Variants in FHIT observed in about 807,000 individuals in gnomAD.
FHIT encodes the protein bis(5'-adenosyl)-triphosphatase.
A neutral mutation model predicts 17.9 loss-of-function variants in FHIT; 19 were observed. The observed-to-expected ratio is 1.06, with a 90% CI of 0.74 to 1.56. The LOEUF (loss-of-function observed/expected upper bound fraction) is 1.56. Among genes scored for constraint, FHIT ranks in the 40% most tolerant of loss-of-function variants. The probability of loss-of-function intolerance (pLI) is 0.00; values close to 1 mark genes in which losing one functional copy is unlikely to be tolerated. For missense variants in FHIT, 248 were observed against 189.2 expected (o/e 1.31, Z -1.82); for synonymous variants, 81 against 69.7 (o/e 1.16, Z -0.81).
chr3:61,110,705 C>A (rs1412382238), intron 2 of FHIT, among the ~76,000 whole-genome samples: 1 of 152,108 alleles, frequency 6.6e-6, no homozygotes, highest in Admixed American at 6.6e-5. Flanking sequence ...AGCACCACAC[C>A]ACAGAAGGAA....
chr3:59,849,395 T>G (rs1456885423), intron 8 of FHIT, among the ~76,000 whole-genome samples: 3 of 152,036 alleles, frequency 2.0e-5, no homozygotes, highest in Non-Finnish European at 2.9e-5. Context: ...GATGAGATTC[T>G]CCCATTATTA....
At chr3:60,354,051 C>G (rs1017547363) in intron 5 of FHIT, among the ~76,000 whole-genome samples, 1 of 151,948 alleles carries the variant, frequency 6.6e-6, no homozygotes, top group Admixed American at 6.6e-5. Context: ...GCTGGAGAAT[C>G]CAAATGTCTC....
intron 5 of FHIT, among the ~76,000 whole-genome samples, chr3:60,342,819 T>C (rs1202735112): frequency 1.3e-5 from 2 of 152,264 alleles, no homozygotes; most frequent in South Asian, 2.1e-4. Flanking sequence ...GGAGCAAAAA[T>C]TGGAAATCTG....
intron 5 of FHIT, among the ~76,000 whole-genome samples, chr3:60,231,682 C>T (rs1297172028): frequency 1.3e-5 from 2 of 152,100 alleles, no homozygotes; most frequent in Non-Finnish European, 2.9e-5. Flanking sequence ...TGCCTTGACT[C>T]CTTTAATTCC....
At chr3:61,240,755 T>A (rs893103841) in intron 1 of FHIT, among the ~76,000 whole-genome samples, 2 of 152,214 alleles carry the variant, frequency 1.3e-5, no homozygotes, top group Non-Finnish European at 2.9e-5. Flanking sequence ...CTTCTTTACA[T>A]AATTTTAACC....
intron 3 of FHIT, among the ~76,000 whole-genome samples, chr3:60,984,315 G>T (rs1309884660): frequency 6.6e-6 from 1 of 152,174 alleles, no homozygotes; most frequent in African/African-American, 2.4e-5. Context: ...ATAAGGAATT[G>T]ATCTGCTAAT....
chr3:60,020,545 G>C (rs1700516662), intron 5 of FHIT, among the ~76,000 whole-genome samples: 1 of 152,136 alleles, frequency 6.6e-6, no homozygotes, highest in African/African-American at 2.4e-5. Context: ...ATACAACACA[G>C]AATTAATCAT....
intron 3 of FHIT, among the ~76,000 whole-genome samples, chr3:60,930,813 C>T: frequency 6.6e-6 from 1 of 152,160 alleles, no homozygotes; most frequent in African/African-American, 2.4e-5. Context: ...GTGGTGATTC[C>T]TCAAGGATCT....
chr3:60,235,614 C>T (rs1262526259), intron 5 of FHIT, among the ~76,000 whole-genome samples: 1 of 152,122 alleles, frequency 6.6e-6, no homozygotes. Flanking sequence ...CAGACTTAAC[C>T]TCAATGTGAA....
intron 4 of FHIT, among the ~76,000 whole-genome samples, chr3:60,782,777 T>G (rs1298164159): frequency 1.3e-5 from 2 of 152,190 alleles, no homozygotes; most frequent in East Asian, 1.9e-4. Flanking sequence ...ATTAAGTGTC[T>G]GGTGAAGTCT....
intron 5 of FHIT, among the ~76,000 whole-genome samples, chr3:60,272,862 ACTAC>A (rs1706931728): frequency 7.2e-5 from 11 of 152,310 alleles, no homozygotes; most frequent in Admixed American, 5.2e-4. Context: ...TCCTGCATCC[ACTAC>A]TAACAAAAGC....
At chr3:59,804,537 T>C (rs1174509656) in intron 8 of FHIT, among the ~76,000 whole-genome samples, 1 of 152,214 alleles carries the variant, frequency 6.6e-6, no homozygotes, top group African/African-American at 2.4e-5. Flanking sequence ...GGCCCGAGCA[T>C]AGGGGCTCAA....
intron 3 of FHIT, among the ~76,000 whole-genome samples, chr3:60,880,646 C>G (rs1215195428): frequency 2.6e-5 from 4 of 152,180 alleles, no homozygotes; most frequent in Non-Finnish European, 5.9e-5. Context: ...GCAGGAGAAT[C>G]ACTTGTACCC....
intron 4 of FHIT, among the ~76,000 whole-genome samples, chr3:60,559,620 A>T (rs1451389771): frequency 6.6e-6 from 1 of 152,174 alleles, no homozygotes; most frequent in Non-Finnish European, 1.5e-5. Context: ...CTGCCCCACA[A>T]GAGGTCTCTC....
intron 4 of FHIT, among the ~76,000 whole-genome samples, chr3:60,556,279 C>G (rs975169031): frequency 6.6e-6 from 1 of 152,070 alleles, no homozygotes; most frequent in Non-Finnish European, 1.5e-5. Flanking sequence ...TTTCTGAGCA[C>G]CAAAGACAGA....
chr3:60,164,702 T>C (rs549420086), intron 5 of FHIT, among the ~76,000 whole-genome samples: 1 of 152,322 alleles, frequency 6.6e-6, no homozygotes, highest in African/African-American at 2.4e-5. Flanking sequence ...CTCAGTGCTC[T>C]TGATCTGCCT....
Position 61,207,440 on chromosome 3 carries a change from A to C in FHIT, c.-212-6775T>G, listed in dbSNP as rs1044512300. On this transcript the variant is annotated intron_variant, in intron 1 of 9. Transcript: ENST00000492590. ...TCTGGTAGAATTCAGCTGTGAATCC[A>C]TCTGGTCCTGGACTTTTTTTGGTTG... Among the ~76,000 whole-genome samples, 46 of 152,142 alleles carry C rather than the reference A, an allele frequency of 3.0e-4. 1 individual carries two copies. Among genetic ancestry groups the C allele is most frequent in the African/African-American group, 8.9e-4 (37 of 41,420 alleles).
intron 5 of FHIT, among the ~76,000 whole-genome samples, chr3:60,065,733 T>C (rs2220239): frequency 1.3e-5 from 2 of 152,178 alleles, no homozygotes; most frequent in Non-Finnish European, 2.9e-5. Flanking sequence ...AGTTTGCCCA[T>C]TGCTCATTCC....
chr3:60,412,357 G>A (rs1173062773), intron 5 of FHIT, among the ~76,000 whole-genome samples: 1 of 152,080 alleles, frequency 6.6e-6, no homozygotes, highest in Non-Finnish European at 1.5e-5. Context: ...AATAGTGTAT[G>A]AGGACAAAAA....
Sources: allele counts gnomAD v4.1 joint callset (sites outside exome capture counted in the v4.1 genomes callset), GRCh38; gene constraint gnomAD v4.1.1; transcripts MANE v1.5; gene names NCBI Gene and HGNC (gene_info 2026-07-23, HGNC 2026-07-21).